Variants in SCHIP1 observed in about 807,000 individuals in gnomAD.
SCHIP1 encodes the protein schwannomin-interacting protein 1.
A neutral mutation model predicts 29.7 loss-of-function variants in SCHIP1; 8 were observed. The ratio of observed to expected loss-of-function variants is 0.27; its 90% CI spans 0.16 to 0.49. The LOEUF (loss-of-function observed/expected upper bound fraction) is 0.49. SCHIP1 is among the 20% of genes least tolerant of loss of function. The pLI, the probability that SCHIP1 is intolerant of heterozygous loss-of-function variation, is 0.99. For synonymous variants in SCHIP1, 76 were observed against 94.9 expected, an observed-to-expected ratio of 0.80 and a Z score of 1.16; for missense variants, 193 against 294.6, an observed-to-expected ratio of 0.66 and a Z score of 2.52.
At chr3:159,669,048 A>G in the SCHIP1 span, among the ~76,000 whole-genome samples, 3 of 152,292 alleles carry the variant, frequency 2.0e-5, no homozygotes, top group Non-Finnish European at 4.4e-5. Context: ...TCATTTAAGG[A>G]AGGGCTGCAT....
chr3:159,750,033 C>A, the SCHIP1 span, among the ~76,000 whole-genome samples: 1 of 151,874 alleles, frequency 6.6e-6, no homozygotes, highest in East Asian at 1.9e-4. Context: ...GAAAACTAAA[C>A]CTCTTCTAAG....
chr3:159,777,451 A>G, the SCHIP1 span, among the ~76,000 whole-genome samples: 198 of 152,256 alleles, frequency 1.3e-3, no homozygotes, highest in African/African-American at 4.6e-3. Flanking sequence ...ATAACATCCA[A>G]AGGAAAAAAA....
At chr3:159,527,453 G>A in the SCHIP1 span, among the ~76,000 whole-genome samples, 39 of 152,244 alleles carry the variant, frequency 2.6e-4, no homozygotes, top group Admixed American at 1.9e-3. Context: ...TCTGCGCCAC[G>A]GTGACACTAA....
At chr3:159,456,576 G>A in the SCHIP1 span, among the ~76,000 whole-genome samples, 2 of 152,208 alleles carry the variant, frequency 1.3e-5, no homozygotes, top group Admixed American at 6.5e-5. Context: ...GTATGCCTAT[G>A]TATAAATGCT....
chr3:159,862,122 T>C (rs930122954), intron 1 of SCHIP1, among the ~76,000 whole-genome samples: 1 of 152,208 alleles, frequency 6.6e-6, no homozygotes, highest in African/African-American at 2.4e-5. Flanking sequence ...ATTTAGCCCA[T>C]AGTATGTATG....
At chr3:159,523,348 C>CT in the SCHIP1 span, among the ~76,000 whole-genome samples, 4 of 152,166 alleles carry the variant, frequency 2.6e-5, no homozygotes, top group South Asian at 8.3e-4. Context: ...ATAATTGTTA[C>CT]TTTTTCATTT....
the SCHIP1 span, among the ~76,000 whole-genome samples, chr3:159,544,597 A>G: frequency 7.9e-5 from 12 of 152,088 alleles, no homozygotes; most frequent in Non-Finnish European, 1.6e-4. Flanking sequence ...TTCCCTGAAG[A>G]CTGATGAAGT....
chr3:159,473,302 A>G, the SCHIP1 span, among the ~76,000 whole-genome samples: 1 of 152,202 alleles, frequency 6.6e-6, no homozygotes, highest in African/African-American at 2.4e-5. Flanking sequence ...TATTTTTAAA[A>G]ATATCACTAT....
chr3:159,610,214 T>C, the SCHIP1 span, among the ~76,000 whole-genome samples: 14 of 152,018 alleles, frequency 9.2e-5, no homozygotes, highest in African/African-American at 3.1e-4. Context: ...GCACCCAACT[T>C]CCCCCTAGAT....
the SCHIP1 span, among the ~76,000 whole-genome samples, chr3:159,704,711 C>T: frequency 6.6e-6 from 1 of 152,090 alleles, no homozygotes; most frequent in Non-Finnish European, 1.5e-5. Flanking sequence ...AAGAAAACCT[C>T]CATTCAAAAG....
At chr3:159,657,167 C>T in the SCHIP1 span, among the ~76,000 whole-genome samples, 1 of 152,078 alleles carries the variant, frequency 6.6e-6, no homozygotes, top group African/African-American at 2.4e-5. Flanking sequence ...AATAAGCTTC[C>T]AGGAGAGATG....
At chr3:159,710,162 C>T in the SCHIP1 span, among the ~76,000 whole-genome samples, 3 of 152,094 alleles carry the variant, frequency 2.0e-5, no homozygotes, top group African/African-American at 7.3e-5. Flanking sequence ...GTTCTATTCA[C>T]AACAGCCAAG....
At chr3:159,412,178 T>C in the SCHIP1 span, among the ~76,000 whole-genome samples, 2 of 152,178 alleles carry the variant, frequency 1.3e-5, no homozygotes, top group Non-Finnish European at 1.5e-5. Context: ...CAATACCACT[T>C]AGCCAATAAC....
chr3:159,416,564 A>G, the SCHIP1 span, among the ~76,000 whole-genome samples: 13 of 152,198 alleles, frequency 8.5e-5, no homozygotes, highest in Non-Finnish European at 1.8e-4. Context: ...GCTTTATTCT[A>G]CTGGAAGGAA....
chr3:159,568,780 ATT>A, the SCHIP1 span, among the ~76,000 whole-genome samples: 2 of 152,036 alleles, frequency 1.3e-5, no homozygotes, highest in African/African-American at 4.8e-5. Context: ...TCCTTAATGA[ATT>A]TTTGTTTCCT....
the SCHIP1 span, among the ~76,000 whole-genome samples, chr3:159,574,022 C>T: frequency 6.6e-6 from 1 of 152,102 alleles, no homozygotes; most frequent in Non-Finnish European, 1.5e-5. Context: ...AATCTTTTTT[C>T]AAGGTTTTTA....
the SCHIP1 span, among the ~76,000 whole-genome samples, chr3:159,530,264 T>C: frequency 6.6e-6 from 1 of 152,154 alleles, no homozygotes; most frequent in Non-Finnish European, 1.5e-5. Flanking sequence ...GTCTGGAAGT[T>C]GCTCCCAGTC....
At chr3:159,762,463 T>C in the SCHIP1 span, among the ~76,000 whole-genome samples, 1 of 152,202 alleles carries the variant, frequency 6.6e-6, no homozygotes, top group Non-Finnish European at 1.5e-5. Flanking sequence ...AGGAATCCCA[T>C]GCATTCCCCT....
At chr3:159,526,615 G>T in the SCHIP1 span, among the ~76,000 whole-genome samples, 1 of 152,214 alleles carries the variant, frequency 6.6e-6, no homozygotes, top group Non-Finnish European at 1.5e-5. Context: ...TAAAATTAGA[G>T]ATGCAGGCCT....
Sources: gnomAD v4.1 joint callset for allele counts (sites outside exome capture counted in the v4.1 genomes callset) on GRCh38, gnomAD v4.1.1 for gene constraint, MANE v1.5 for transcripts, NCBI Gene and HGNC (gene_info 2026-07-23, HGNC 2026-07-21) for gene names.